RABEP1: variants seen among roughly 807,000 people sequenced by gnomAD.
The protein encoded by RABEP1 is rab GTPase-binding effector protein 1.
A neutral mutation model predicts 123.4 loss-of-function variants in RABEP1; 51 were observed. That is an observed-to-expected ratio of 0.41 (90% CI 0.33 to 0.52). The LOEUF (loss-of-function observed/expected upper bound fraction) is 0.52, where lower values mean the gene tolerates loss of function less well. RABEP1 is among the 20% of genes least tolerant of loss of function. The pLI, the probability that RABEP1 is intolerant of heterozygous loss-of-function variation, is 0.16. For synonymous variants in RABEP1, 347 were observed against 355.2 expected (o/e 0.98, Z 0.26); for missense variants, 888 against 996.3 (o/e 0.89, Z 1.46).
chr17:5,332,239 A>G (rs1193176819), intron 3 of RABEP1, 87 bp downstream of exon 3: 4 of 1,264,264 alleles, frequency 3.2e-6, no homozygotes, highest in Non-Finnish European at 4.4e-6. Flanking sequence ...CTTAAAATAT[A>G]TACAGAGTTT....
intron 2 of RABEP1, among the ~76,000 whole-genome samples, chr17:5,316,473 AAAG>A (rs2075296916): frequency 1.3e-5 from 2 of 149,680 alleles, no homozygotes; most frequent in South Asian, 2.1e-4. Flanking sequence ...AAAAAAAAAA[AAAG>A]AACTGCTGGT....
chr17:5,372,408 A>G (rs1910592854), intron 12 of RABEP1, among the ~76,000 whole-genome samples: 2 of 152,098 alleles, frequency 1.3e-5, no homozygotes, highest in African/African-American at 4.8e-5. Flanking sequence ...CCGAGATCAC[A>G]CCACTGCATT....
intron 1 of RABEP1, among the ~76,000 whole-genome samples, chr17:5,307,263 A>G (rs1339089688): frequency 6.6e-6 from 1 of 152,226 alleles, no homozygotes; most frequent in Non-Finnish European, 1.5e-5. Flanking sequence ...ATTTGCGGTG[A>G]GCCGAGATCG....
intron 11 of RABEP1, among the ~76,000 whole-genome samples, chr17:5,367,556 A>G (rs1400370096): frequency 1.3e-5 from 2 of 151,308 alleles, no homozygotes; most frequent in Non-Finnish European, 1.5e-5. Context: ...GGCGTGAGTC[A>G]CCGTGCCCAG....
At chr17:5,286,494 A>C (rs1457937597) in intron 1 of RABEP1, among the ~76,000 whole-genome samples, 1 of 144,412 alleles carries the variant, frequency 6.9e-6, no homozygotes, top group Admixed American at 7.0e-5. Flanking sequence ...ACTCTGTCTC[A>C]AAAAAAAAAG....
chr17:5,303,530 C>G (rs1274613707), intron 1 of RABEP1, among the ~76,000 whole-genome samples: 4 of 152,280 alleles, frequency 2.6e-5, no homozygotes, highest in Admixed American at 2.6e-4. Flanking sequence ...GCATGAGCCA[C>G]TGTGCCTGTC....
Position 5,308,709 on chromosome 17 carries a change from G to A in RABEP1, c.50G>A (p.Arg17Gln). 2 of 1,610,440 alleles carry A rather than the reference G, an allele frequency of 1.2e-6. No homozygotes were observed. The highest frequency in any genetic ancestry group is 1.7e-6 in the Non-Finnish European group (2 of 1,178,658). ...TTTCCCCCAGTTTCTCTTCAGCAAC[G>A]GGTAGCAGAATTGGAAAAAATTAAT... ...ASQPDVSLQQ[R>Q]VAELEKINAE... Residue 17 changes from arginine (R) to glutamine (Q), a missense_variant, in exon 2 of 18, where the codon CGG (arginine) becomes CAG (glutamine). Arg to Gln is a conservative substitution (Grantham distance 43, BLOSUM62 1). Transcript: ENST00000537505.
At chr17:5,381,567 C>T (rs768508375) in intron 17 of RABEP1, 62 bp downstream of exon 17, 21 of 1,554,530 alleles carry the variant, frequency 1.4e-5, no homozygotes, top group East Asian at 7.1e-5. Context: ...AGAACCTTGC[C>T]GATCCCTGAC....
intron 2 of RABEP1, among the ~76,000 whole-genome samples, chr17:5,327,528 G>A (rs1480672417): frequency 6.6e-6 from 1 of 152,054 alleles, no homozygotes; most frequent in Non-Finnish European, 1.5e-5. Flanking sequence ...TGACTAAAAC[G>A]TGATTATTTT....
intron 8 of RABEP1, chr17:5,360,958 ATCTTT>A (rs1312417772): frequency 4.1e-6 from 2 of 483,202 alleles, no homozygotes; most frequent in Non-Finnish European, 7.4e-6. Context: ...CTGCTTACTT[ATCTTT>A]TTTTTTTTTG....
chr17:5,294,633 C>CTGTTTTTTTTTTTTTT (rs2075063675), intron 1 of RABEP1, among the ~76,000 whole-genome samples: 1 of 53,024 alleles, frequency 1.9e-5, no homozygotes, highest in Non-Finnish European at 3.4e-5. Flanking sequence ...ACGGTATTGT[C>CTGTTTTTTTTTTTTTT]TTTTTTTTTT....
At chr17:5,357,078 A>G (rs777505071) in intron 8 of RABEP1, among the ~76,000 whole-genome samples, 5 of 151,912 alleles carry the variant, frequency 3.3e-5, no homozygotes, top group African/African-American at 1.2e-4. Flanking sequence ...GGGTTTCACC[A>G]TGTTGGCCAG....
chr17:5,307,131 C>T (rs1444165034), intron 1 of RABEP1, among the ~76,000 whole-genome samples: 1 of 152,112 alleles, frequency 6.6e-6, no homozygotes, highest in African/African-American at 2.4e-5. Flanking sequence ...CCAGCCTGAC[C>T]AACATGTGAA....
At chr17:5,367,357 T>A (rs148142628) in intron 11 of RABEP1, among the ~76,000 whole-genome samples, 2 of 151,760 alleles carry the variant, frequency 1.3e-5, no homozygotes, top group South Asian at 2.1e-4. Flanking sequence ...CTGCAACGTC[T>A]GCCTCCCAGG....
chr17:5,316,793 A>G (rs2075300748), intron 2 of RABEP1, among the ~76,000 whole-genome samples: 1 of 133,666 alleles, frequency 7.5e-6, no homozygotes, highest in African/African-American at 2.9e-5. Flanking sequence ...AGATCGCGCT[A>G]CTGCACTCCA....
chr17:5,365,329 C>A, intron 11 of RABEP1, 91 bp downstream of exon 11: 1 of 894,078 alleles, frequency 1.1e-6, no homozygotes, highest in Non-Finnish European at 1.6e-6. Context: ...TTTTTTTTGC[C>A]TTGAAGATTT....
intron 12 of RABEP1, among the ~76,000 whole-genome samples, chr17:5,368,866 G>A (rs1035197173): frequency 2.0e-5 from 3 of 152,038 alleles, no homozygotes; most frequent in Non-Finnish European, 4.4e-5. Flanking sequence ...ACCTTATTAG[G>A]GCTGGGCTGA....
chr17:5,345,761 G>A (rs1007945281), intron 5 of RABEP1, among the ~76,000 whole-genome samples: 1 of 152,230 alleles, frequency 6.6e-6, no homozygotes, highest in African/African-American at 2.4e-5. Flanking sequence ...TGGCCTAGGA[G>A]TAAAGATAAC....
At position 5,385,887 on chromosome 17, in the gene RABEP1, AAC is replaced by A. The variant is rs1911915340; in HGVS notation, c.*2668_*2669del. On this transcript the variant is annotated 3_prime_UTR_variant, in exon 18 of 18. Transcript: ENST00000537505. Reference sequence around the variant, plus strand: ...CATGTTTCTGGTGCTGCTACTTTAAAACACAGCTCACAAGAATAACTAACTTG... The same window carrying A: ...CATGTTTCTGGTGCTGCTACTTTAAAACAGCTCACAAGAATAACTAACTTG... The A allele has an allele frequency of 3.4e-6, 1 of 292,920 alleles. No homozygotes were observed. Among genetic ancestry groups the A allele is most frequent in the African/African-American group, 2.3e-5 (1 of 43,222 alleles). 18.1% of individuals were successfully genotyped at this position (292,920 alleles called of 1,614,324 possible). A position where few individuals can be genotyped will look rare whatever the true frequency, so the allele number is the denominator to read the frequency against.
Sources: allele counts gnomAD v4.1 joint callset (sites outside exome capture counted in the v4.1 genomes callset), GRCh38; gene constraint gnomAD v4.1.1; transcripts MANE v1.5; gene names NCBI Gene and HGNC (gene_info 2026-07-23, HGNC 2026-07-21).